The following NRBP1 variants were observed in gnomAD, a reference collection of about 807,000 sequenced individuals.
NRBP1 encodes nuclear receptor binding protein 1.
A neutral mutation model predicts 76.0 loss-of-function variants in NRBP1; 10 were observed. The observed-to-expected ratio is 0.13, with a 90% CI of 0.08 to 0.22. The LOEUF is 0.22. Ranked by LOEUF, NRBP1 falls within the 10% of genes least tolerant of loss-of-function variation. The pLI is 1.00. For missense variants in NRBP1, 344 were observed against 646.0 expected (o/e 0.53, Z 5.07); for synonymous variants, 235 against 240.2 (o/e 0.98, Z 0.20).
upstream of NRBP1, chr2:27,428,473 G>C (rs1203210350): frequency 5.1e-6 from 2 of 393,498 alleles, no homozygotes; most frequent in East Asian, 3.6e-5. Context: ...GGTCTCGGCC[G>C]GACCGGCGCA....
intron 10 of NRBP1, among the ~76,000 whole-genome samples, chr2:27,437,739 G>A (rs1296840532): frequency 6.6e-6 from 1 of 152,026 alleles, no homozygotes; most frequent in Non-Finnish European, 1.5e-5. Flanking sequence ...CAGGCTTGGT[G>A]GCGGGAGCCT....
rs1057208125 is a variant in NRBP1, at chr2:27,428,671, T to G, written c.-81T>G. On this transcript the variant is annotated 5_prime_UTR_variant, in exon 1 of 18. Coordinates refer to ENST00000379852, the MANE Select transcript of NRBP1 (RefSeq NM_013392.4). ...CGCAGCTGTGAGGGAGTCGCTGTGA[T>G]CCGGGGCCCCGGAACCCGAGCTGGA... The G allele has an allele frequency of 3.5e-5, 14 of 397,810 alleles. No homozygotes were observed. Among genetic ancestry groups the G allele is most frequent in the African/African-American group, 2.9e-4 (14 of 48,558 alleles). The allele number at this position is 397,810 out of a possible 1,614,324, so 24.6% of individuals were successfully genotyped here.
chr2:27,438,803 A>T (rs1664411751), intron 10 of NRBP1, among the ~76,000 whole-genome samples: 1 of 152,112 alleles, frequency 6.6e-6, no homozygotes. Flanking sequence ...CTATGAAAAA[A>T]TAAAAATTAT....
chr2:27,431,860 A>G (rs1664127932), intron 1 of NRBP1: 1 of 151,996 alleles, frequency 6.6e-6, no homozygotes. Flanking sequence ...ATATTTTTTT[A>G]TTTTTTGAGA....
chr2:27,439,793 G>A lies in NRBP1; in HGVS notation c.931G>A (p.Glu311Lys). ...GTTCATTCAAAAGTGCCTGCAGTCTGAGCCTGCTCGCAGACCAACAGCCAG... is the reference window on the plus strand; with the variant it reads ...GTTCATTCAAAAGTGCCTGCAGTCTAAGCCTGCTCGCAGACCAACAGCCAG... ...REFIQKCLQS[E>K]PARRPTAREL... The change falls in exon 11 of 18, where the codon GAG (glutamate) becomes AAG (lysine). Residue 311 changes from glutamate (E) to lysine (K), a missense_variant. Physicochemically the swap from Glu to Lys is moderately conservative, Grantham distance 56. Around this residue, in one of 3 missense-constraint regions of NRBP1, gnomAD observed 218 missense variants for 309.8 expected, o/e 0.70. Transcript: ENST00000379852. 1.2e-6 allele frequency: 2 copies of A among 1,614,074 alleles called. No homozygotes were observed. The highest frequency in any genetic ancestry group is 1.1e-5 in the South Asian group (1 of 91,072).
chr2:27,433,847 A>G, intron 3 of NRBP1, 52 bp downstream of exon 3: 3 of 1,613,260 alleles, frequency 1.9e-6, no homozygotes, highest in Non-Finnish European at 2.5e-6. Context: ...CACTGATGTT[A>G]GAGAGGAATT....
In NRBP1 at chr2:27,441,696, C is replaced by T. The variant is rs1664572547; in HGVS notation, c.1504-12C>T. 2 of 1,612,926 alleles carry T rather than the reference C, an allele frequency of 1.2e-6. No homozygotes were observed. The highest frequency in any genetic ancestry group is 4.5e-5 in the East Asian group (2 of 44,880). ...CTCTCAGCCCCCATCTTACTGAGCT[C>T]TTCTCCCCCAGGCTGACCAGAGCCG... On this transcript the variant is annotated splice_polypyrimidine_tract_variant and intron_variant, in intron 17 of 17. Coordinates refer to ENST00000379852, the MANE Select transcript of NRBP1 (RefSeq NM_013392.4).
At chr2:27,433,959 C>T (rs757761818) in intron 3 of NRBP1, 30 bp from the exon 4 acceptor site, 1 of 1,592,252 alleles carries the variant, frequency 6.3e-7, no homozygotes, top group South Asian at 1.1e-5. Context: ...ATTTGTGACT[C>T]TGTTATTCCA....
chr2:27,431,409 G>C (rs1336139657), intron 1 of NRBP1, among the ~76,000 whole-genome samples: 4 of 152,184 alleles, frequency 2.6e-5, no homozygotes, highest in African/African-American at 9.7e-5. Flanking sequence ...TAAAGTCTTA[G>C]CTCTGGCTTG....
chr2:27,432,077 G>A (rs749736161), intron 1 of NRBP1: 1 of 152,280 alleles, frequency 6.6e-6, no homozygotes, highest in Non-Finnish European at 1.5e-5. Flanking sequence ...TCGAACTCCT[G>A]ACCTCAGGTA....
chr2:27,430,148 T>C (rs1410512322), intron 1 of NRBP1, among the ~76,000 whole-genome samples: 2 of 152,214 alleles, frequency 1.3e-5, no homozygotes, highest in East Asian at 1.9e-4. Flanking sequence ...ATTACAGGCA[T>C]GAGCCAGCGC....
rs929231332 is a variant in NRBP1 at position 27,441,948 on chromosome 2, C to T, written c.*136C>T. On this transcript the variant is annotated 3_prime_UTR_variant, in exon 18 of 18. Transcript: ENST00000379852. ...TTATTATTCAGGAGGGCTGGGGGGGCTCCCTGGTTCTGAGCATCATCCTTT... is the reference window on the plus strand; with the variant it reads ...TTATTATTCAGGAGGGCTGGGGGGGTTCCCTGGTTCTGAGCATCATCCTTT... 8 of 640,264 alleles carry T rather than the reference C, an allele frequency of 1.2e-5. No individual in the cohort carries two copies. Among genetic ancestry groups the T allele is most frequent in the African/African-American group, 7.3e-5 (4 of 55,038 alleles). 39.7% of individuals were successfully genotyped at this position (640,264 alleles called of 1,614,324 possible). A position where few individuals can be genotyped will look rare whatever the true frequency, so the allele number is the denominator to read the frequency against.
Position 27,436,814 on chromosome 2 carries a change from C to T in NRBP1, c.723C>T (p.His241=). ...KTCREEQKNL[H]FFAPEYGEVT... ...GTCGAGAAGAGCAGAAGAATCTACA[C>T]TTCTTTGCACCAGAGTATGGAGGTG... The change falls in exon 8 of 18, where the codon CAC becomes CAT. Residue 241 remains histidine (H), a synonymous_variant. Transcript: ENST00000379852. 1.2e-6 allele frequency: 2 copies of T among 1,614,128 alleles called. No homozygotes were observed. Among genetic ancestry groups the T allele is most frequent in the Non-Finnish European group, 1.7e-6 (2 of 1,179,974 alleles).
Position 27,442,126 on chromosome 2 carries a change from T to C in NRBP1, c.*314T>C, listed in dbSNP as rs955575336. ...GTGTGGAAAGGAGGCCCACGGGCAC[T>C]AGGGGAGCCGAATTCTACAATCCCG... On this transcript the variant is annotated 3_prime_UTR_variant, in exon 18 of 18. Transcript: ENST00000379852. The C allele has an allele frequency of 7.5e-6, 4 of 530,330 alleles. No homozygotes were observed. The highest frequency in any genetic ancestry group is 7.5e-5 in the Admixed American group (2 of 26,654). The allele number at this position is 530,330 out of a possible 1,614,324, so 32.9% of individuals were successfully genotyped here.
chr2:27,437,495 A>G, intron 10 of NRBP1, 135 bp downstream of exon 10: 1 of 673,614 alleles, frequency 1.5e-6, no homozygotes, highest in Non-Finnish European at 2.6e-6. Context: ...ATCTATAAAC[A>G]TTTTCTTAGG....
At chr2:27,436,520 G>A (rs956763709) in intron 7 of NRBP1, 1 of 514,676 alleles carries the variant, frequency 1.9e-6, no homozygotes, top group African/African-American at 1.9e-5. Flanking sequence ...TGGTGCTTTT[G>A]TTGCTCCTGA....
chr2:27,435,579 T>TA lies in NRBP1; in HGVS notation c.661+353dup. On this transcript the variant is annotated intron_variant, in intron 7 of 17. Coordinates refer to ENST00000379852, the MANE Select transcript of NRBP1 (RefSeq NM_013392.4). The stretch of plus-strand genomic sequence containing the variant: ...GCTGTGAGTGCTTTCGTTTGCTGTG[T>TA]ATTGTATGCAGTGTACAACATTTCT... 3 of 690,176 alleles carry TA rather than the reference T, an allele frequency of 4.3e-6. No homozygotes were observed. The East Asian group carries it at 8.1e-5, about 19-fold the overall frequency. 42.8% of individuals were successfully genotyped at this position (690,176 alleles called of 1,614,324 possible).
chr2:27,430,478 T>TTTTTTTTTTTTTTTTC (rs1553317017), intron 1 of NRBP1, among the ~76,000 whole-genome samples: 65 of 137,802 alleles, frequency 4.7e-4, no homozygotes, highest in African/African-American at 6.9e-4. Flanking sequence ...TCTTTTTTTT[T>TTTTTTTTTTTTTTTTC]TTTTTTTTGA....
At chr2:27,434,394 T>G in intron 4 of NRBP1, 77 bp from the exon 5 acceptor site, 1 of 1,098,606 alleles carries the variant, frequency 9.1e-7, no homozygotes, top group Non-Finnish European at 1.4e-6. Context: ...TAACAAACCT[T>G]CAAATTTAAA....
Sources: allele counts gnomAD v4.1 joint callset (sites outside exome capture counted in the v4.1 genomes callset), GRCh38; gene constraint gnomAD v4.1.1; regional missense constraint gnomAD v4.1.1; transcripts MANE v1.5; gene names NCBI Gene and HGNC (gene_info 2026-07-23, HGNC 2026-07-21).